The following SLC12A7 variants were observed in gnomAD, a reference collection of about 807,000 sequenced individuals.
The protein encoded by SLC12A7 is K-Cl cotransporter 4.
In SLC12A7, 100 loss-of-function variants were observed where a neutral mutation model predicts 120.6. That is an observed-to-expected ratio of 0.83 (90% CI 0.71 to 0.98). The LOEUF (loss-of-function observed/expected upper bound fraction) is 0.98. Ranked by LOEUF, SLC12A7 falls within the 50% of genes least tolerant of loss-of-function variation. The probability of loss-of-function intolerance (pLI) is 0.00; values close to 1 mark genes in which losing one functional copy is unlikely to be tolerated. For synonymous variants in SLC12A7, 760 were observed against 678.0 expected, an observed-to-expected ratio of 1.12 and a Z score of -1.88; for missense variants, 1,373 against 1,548.1, an observed-to-expected ratio of 0.89 and a Z score of 1.90.
intron 17 of SLC12A7, among the ~76,000 whole-genome samples, chr5:1,066,527 G>A (rs986035509): frequency 1.6e-4 from 24 of 152,088 alleles, no homozygotes; most frequent in African/African-American, 4.6e-4. Flanking sequence ...GTTGAATAGT[G>A]CCCCCAAAAA....
At chr5:1,076,635 C>T in intron 13 of SLC12A7, 59 bp downstream of exon 13, 1 of 1,295,698 alleles carries the variant, frequency 7.7e-7, no homozygotes, top group Non-Finnish European at 1.1e-6. Context: ...CCCATCCACA[C>T]TGCCCCACGC....
chr5:1,080,722 C>T (rs1182164199), intron 9 of SLC12A7, among the ~76,000 whole-genome samples: 2 of 152,234 alleles, frequency 1.3e-5, no homozygotes, highest in African/African-American at 2.4e-5. Flanking sequence ...CCACCCACCG[C>T]CGGAACAAGG....
chr5:1,086,166 C>T (rs917004198), intron 6 of SLC12A7, among the ~76,000 whole-genome samples: 2 of 152,098 alleles, frequency 1.3e-5, no homozygotes, highest in South Asian at 4.1e-4. Flanking sequence ...GGTGTGGGTG[C>T]GACCCCACTG....
rs201694282 is a variant in SLC12A7 at position 1,086,950 on chromosome 5, T to C, written c.628A>G (p.Thr210Ala). The C allele has an allele frequency of 1.4e-4, 232 of 1,612,636 alleles. No individual in the cohort carries two copies. Among genetic ancestry groups the C allele is most frequent in the Middle Eastern group, 3.3e-4 (2 of 6,084 alleles). ...AVGLCFYLGT[T>A]FAGAMYILGT... ...AAAATATACATGGCCCCTGCAAACG[T>C]CGTGCCCAGGTAGAAGCAGAGGCCG... Residue 210 changes from threonine to alanine, a missense_variant, in exon 6 of 24, where the codon ACG (threonine) becomes GCG (alanine). By Grantham distance (58) the Thr-to-Ala change is moderately conservative (BLOSUM62 0). Transcript: ENST00000264930.
the SLC12A7 span, among the ~76,000 whole-genome samples, chr5:1,143,852 C>A: frequency 8.9e-4 from 136 of 152,016 alleles, no homozygotes; most frequent in Non-Finnish European, 1.6e-3. Flanking sequence ...CTCCTGGGCA[C>A]CCTGGCGCTT....
At chr5:1,140,858 C>T in the SLC12A7 span, among the ~76,000 whole-genome samples, 2 of 152,194 alleles carry the variant, frequency 1.3e-5, no homozygotes, top group African/African-American at 2.4e-5. Context: ...TTCTAGGTGA[C>T]CACGCCATGG....
In SLC12A7 at chr5:1,073,672, C is replaced by G. The variant is rs564599238; in HGVS notation, c.2202G>C (p.Thr734=). ...LTIVGSVLEG[T]YLDKHMEAQR... is the part of the protein sequence containing the mutation. Reference sequence around the variant, plus strand: ...GAGCCTCCATGTGCTTGTCCAGGTACGTCCCCTCCAGCACCGAGCCCACGA... The same window carrying G: ...GAGCCTCCATGTGCTTGTCCAGGTAGGTCCCCTCCAGCACCGAGCCCACGA... Residue 734 remains threonine (T), a synonymous_variant, in exon 17 of 24, where the codon ACG becomes ACC. Coordinates refer to ENST00000264930, the MANE Select transcript of SLC12A7 (RefSeq NM_006598.3). The G allele has an allele frequency of 6.2e-6, 10 of 1,603,148 alleles. No individual in the cohort carries two copies. The highest frequency in any genetic ancestry group is 3.4e-5 in the Admixed American group (2 of 58,730).
chr5:1,132,604 A>C, the SLC12A7 span, among the ~76,000 whole-genome samples: 1 of 151,786 alleles, frequency 6.6e-6, no homozygotes, highest in Admixed American at 6.6e-5. Context: ...GGGGGCCCTG[A>C]CTCATGAAGA....
At chr5:1,140,390 T>TC in the SLC12A7 span, among the ~76,000 whole-genome samples, 3 of 151,654 alleles carry the variant, frequency 2.0e-5, no homozygotes, top group African/African-American at 4.9e-5. Context: ...TCGGTTCTGT[T>TC]CCCCCCCACC....
intron 1 of SLC12A7, among the ~76,000 whole-genome samples, chr5:1,100,113 G>A (rs543728892): frequency 7.4e-4 from 113 of 152,292 alleles, no homozygotes; most frequent in African/African-American, 2.6e-3. Context: ...AGAGAAGAGC[G>A]AGGCAGCCGC....
intron 1 of SLC12A7, among the ~76,000 whole-genome samples, chr5:1,099,368 G>C (rs1359378938): frequency 6.6e-6 from 1 of 151,808 alleles, no homozygotes. Context: ...CCCCGACCCA[G>C]TCCACCTCCT....
chr5:1,076,941 G>C, intron 12 of SLC12A7, 129 bp from the exon 13 acceptor site: 2 of 694,652 alleles, frequency 2.9e-6, no homozygotes, highest in Non-Finnish European at 2.6e-6. Flanking sequence ...TTCACAGTAG[G>C]TCCCCGGGAC....
the SLC12A7 span, among the ~76,000 whole-genome samples, chr5:1,145,767 C>T: frequency 2.6e-5 from 4 of 152,256 alleles, no homozygotes; most frequent in South Asian, 8.3e-4. The surrounding 1 kb of genome is among the most constrained non-coding windows in gnomAD (Gnocchi z 4.4). Flanking sequence ...CTGTCCTCTG[C>T]AGAAGGAAGG....
In SLC12A7 at chr5:1,080,557, G is replaced by A. The variant is rs1020036270; in HGVS notation, c.1297+1020C>T. ...CCGGGAGCAGACGTGGGAGGGACCA[G>A]AAGGGACCAGAAGGGCAGCTGCAGG... On this transcript the variant is annotated intron_variant, in intron 9 of 23. Coordinates refer to ENST00000264930, the MANE Select transcript of SLC12A7 (RefSeq NM_006598.3). 7.9e-5 allele frequency among the ~76,000 whole-genome samples: 12 copies of A among 152,150 alleles called. No homozygotes were observed. The East Asian group carries it at 1.7e-3, about 22-fold the overall frequency.
At chr5:1,153,793 G>C in the SLC12A7 span, among the ~76,000 whole-genome samples, 1 of 152,148 alleles carries the variant, frequency 6.6e-6, no homozygotes, top group African/African-American at 2.4e-5. Flanking sequence ...GTGCACCCTG[G>C]TGAGCAGGCT....
Position 1,073,666 on chromosome 5 carries a change from C to T in SLC12A7, c.2208G>A (p.Leu736=). The change falls in exon 17 of 24, where the codon CTG becomes CTA. Residue 736 remains leucine, a synonymous_variant. Coordinates refer to ENST00000264930, the MANE Select transcript of SLC12A7 (RefSeq NM_006598.3). Reference sequence around the variant, plus strand: ...CCCGCTGAGCCTCCATGTGCTTGTCCAGGTACGTCCCCTCCAGCACCGAGC... The same window carrying T: ...CCCGCTGAGCCTCCATGTGCTTGTCTAGGTACGTCCCCTCCAGCACCGAGC... ...IVGSVLEGTY[L]DKHMEAQRAE... is the part of the protein sequence containing the mutation. 3.7e-6 allele frequency: 6 copies of T among 1,603,780 alleles called. No individual in the cohort carries two copies. Among genetic ancestry groups the T allele is most frequent in the Non-Finnish European group, 5.1e-6 (6 of 1,175,788 alleles).
At chr5:1,148,723 G>C in the SLC12A7 span, among the ~76,000 whole-genome samples, 45 of 152,186 alleles carry the variant, frequency 3.0e-4, no homozygotes, top group African/African-American at 8.7e-4. Context: ...AAAGGCTGAC[G>C]GTTGACATCG....
At chr5:1,115,633 C>T (rs184854942), upstream of SLC12A7, among the ~76,000 whole-genome samples, 78 of 152,252 alleles carry the variant, frequency 5.1e-4, no homozygotes, top group African/African-American at 1.5e-3. Context: ...GCAGAGTGTC[C>T]GTGGAGAGCT....
the SLC12A7 span, among the ~76,000 whole-genome samples, chr5:1,130,543 G>A: frequency 6.6e-6 from 1 of 151,890 alleles, no homozygotes; most frequent in African/African-American, 2.4e-5. Context: ...TAGCCAGGGC[G>A]GCTGCCCGCG....
Sources: allele counts gnomAD v4.1 joint callset (sites outside exome capture counted in the v4.1 genomes callset), GRCh38; gene constraint gnomAD v4.1.1; non-coding constraint Gnocchi (gnomAD v3.1); transcripts MANE v1.5; gene names NCBI Gene and HGNC (gene_info 2026-07-23, HGNC 2026-07-21).